Variants in AFAP1L2 observed in about 807,000 individuals in gnomAD.
AFAP1L2 encodes actin filament-associated protein 1-like 2.
A neutral mutation model predicts 99.3 loss-of-function variants in AFAP1L2; 46 were observed. The observed-to-expected ratio is 0.46, with a 90% CI of 0.37 to 0.59. AFAP1L2 has a LOEUF of 0.59. AFAP1L2 is among the 20% of genes least tolerant of loss of function. The probability of loss-of-function intolerance (pLI) is 0.00; values close to 1 mark genes in which losing one functional copy is unlikely to be tolerated. For missense variants in AFAP1L2, 959 were observed against 1,034.9 expected, an observed-to-expected ratio of 0.93 and a Z score of 1.01; for synonymous variants, 397 against 419.1, an observed-to-expected ratio of 0.95 and a Z score of 0.64.
intron 1 of AFAP1L2, among the ~76,000 whole-genome samples, chr10:114,384,119 T>C (rs1048738312): frequency 3.3e-5 from 5 of 152,040 alleles, no homozygotes; most frequent in Admixed American, 2.6e-4. Context: ...CTGCAGAGGG[T>C]TTTACATATA....
At chr10:114,327,291 A>T (rs1476444195) in intron 4 of AFAP1L2, among the ~76,000 whole-genome samples, 1 of 149,352 alleles carries the variant, frequency 6.7e-6, no homozygotes, top group Non-Finnish European at 1.5e-5. Context: ...CAGCCTCCCG[A>T]GTAGCTGCGT....
At chr10:114,363,094 G>A (rs1250087671) in intron 1 of AFAP1L2, 5 of 985,250 alleles carry the variant, frequency 5.1e-6, no homozygotes, top group African/African-American at 1.7e-5. Flanking sequence ...AGTGGGATCC[G>A]AGCCTCTCAG....
chr10:114,334,121 A>T (rs1456893880), intron 2 of AFAP1L2, among the ~76,000 whole-genome samples: 1 of 152,200 alleles, frequency 6.6e-6, no homozygotes, highest in Non-Finnish European at 1.5e-5. Flanking sequence ...ATAAGAACTG[A>T]GGAACCACCA....
At chr10:114,289,365 C>T in the AFAP1L2 span, 147 of 1,614,094 alleles carry the variant, frequency 9.1e-5, no homozygotes, top group Non-Finnish European at 2.5e-5. Context: ...TGGTCGTGGG[C>T]GTGGGGCCTG....
intron 4 of AFAP1L2, among the ~76,000 whole-genome samples, chr10:114,324,190 A>G (rs145362701): frequency 1.8e-4 from 27 of 152,354 alleles, no homozygotes; most frequent in Non-Finnish European, 2.8e-4. Context: ...TTGCATTACT[A>G]TTATGACAGA....
rs145718295 is a variant in AFAP1L2 at position 114,297,219 on chromosome 10, C to G, written c.2307+1G>C. 1.9e-6 allele frequency: 3 copies of G among 1,571,010 alleles called. No individual in the cohort carries two copies. Among genetic ancestry groups the G allele is most frequent in the East Asian group, 2.4e-5 (1 of 41,768 alleles). On this transcript the variant is annotated splice_donor_variant, in intron 17 of 18. Coordinates refer to ENST00000304129, the MANE Select transcript of AFAP1L2 (RefSeq NM_001001936.3). LOFTEE classifies it high-confidence loss of function. The stretch of plus-strand genomic sequence containing the variant: ...CCAGAGGCCGCAGTTCCAGCACTCA[C>G]GCGGGGGCTCACATTCTCCAGGTGG...
At chr10:114,323,080 G>C (rs2045631537) in intron 5 of AFAP1L2, 91 bp downstream of exon 5, 1 of 1,167,396 alleles carries the variant, frequency 8.6e-7, no homozygotes, top group Non-Finnish European at 1.2e-6. Flanking sequence ...AGCCCAGGAT[G>C]AGTGTATCTG....
chr10:114,397,818 G>A (rs1024813004), intron 1 of AFAP1L2, among the ~76,000 whole-genome samples: 1 of 152,086 alleles, frequency 6.6e-6, no homozygotes. Flanking sequence ...CAGTGTGCTG[G>A]GGCTGAGCTT....
chr10:114,381,793 A>T (rs1202467584), intron 1 of AFAP1L2, among the ~76,000 whole-genome samples: 1 of 152,118 alleles, frequency 6.6e-6, no homozygotes, highest in African/African-American at 2.4e-5. Flanking sequence ...TCTCCTTCAC[A>T]CATAAAAAGC....
chr10:114,297,802 G>A (rs1054326038), intron 16 of AFAP1L2, among the ~76,000 whole-genome samples: 2 of 152,186 alleles, frequency 1.3e-5, no homozygotes, highest in African/African-American at 4.8e-5. Context: ...CAATCCTCTG[G>A]CTTCCCTACG....
Position 114,323,274 on chromosome 10 carries a change from C to T in AFAP1L2, c.316-13G>A, listed in dbSNP as rs773802602. ...TCCGTTCTGGAATCTGTGGTATGAA[C>T]AAATAAGACAAACGTTTGCAGATAT... is the stretch of plus-strand genomic sequence containing the variant. On this transcript the variant is annotated splice_polypyrimidine_tract_variant and intron_variant, in intron 4 of 18. Coordinates refer to ENST00000304129, the MANE Select transcript of AFAP1L2 (RefSeq NM_001001936.3). 3.2e-6 allele frequency: 5 copies of T among 1,577,336 alleles called. No homozygotes were observed. The South Asian group carries it at 5.8e-5, about 18-fold the overall frequency.
intron 1 of AFAP1L2, among the ~76,000 whole-genome samples, chr10:114,400,794 C>T (rs1338687661): frequency 6.6e-6 from 1 of 152,180 alleles, no homozygotes; most frequent in Non-Finnish European, 1.5e-5. Context: ...GTACCCTAGA[C>T]CAATTAAATC....
chr10:114,295,975 C>T lies in AFAP1L2; in HGVS notation c.*67G>A. ...GACTCACCCTTTCGCATAGTTTTTG[C>T]TTTAACAAAGCAGGATTGTCACCAA... On this transcript the variant is annotated 3_prime_UTR_variant, in exon 19 of 19. Transcript: ENST00000304129. 2.5e-6 allele frequency: 4 copies of T among 1,612,962 alleles called. No individual in the cohort carries two copies. In the Middle Eastern group the frequency reaches 5.0e-4, roughly 200 times the overall value.
Position 114,308,433 on chromosome 10 carries a change from C to T in AFAP1L2, c.967G>A (p.Val323Ile), listed in dbSNP as rs2042744341. 1 of 1,613,536 alleles carries T rather than the reference C, an allele frequency of 6.2e-7. No individual in the cohort carries two copies. The highest frequency in any genetic ancestry group is 2.2e-5 in the East Asian group (1 of 44,876). The change falls in exon 9 of 19, where the codon GTC becomes ATC. Residue 323 changes from valine to isoleucine, a missense_variant and splice_region_variant. Physicochemically the swap from Val to Ile is conservative, Grantham distance 29. Coordinates refer to ENST00000304129, the MANE Select transcript of AFAP1L2 (RefSeq NM_001001936.3). ...TCCCCTCCCAACCACATGATGTTAC[C>T]GTCTTTGGTTTCTGGGACCTCAGGG... ...GHPEVPETKD[V>I]KKKCSAGLKL... is the part of the protein sequence containing the mutation.
At chr10:114,307,976 A>C in intron 9 of AFAP1L2, 67 bp from the exon 10 acceptor site, 1 of 1,395,518 alleles carries the variant, frequency 7.2e-7, no homozygotes, top group Non-Finnish European at 1.0e-6. Flanking sequence ...TGAGAGATGG[A>C]AAAAATAGCA....
chr10:114,396,242 G>A (rs530759159), intron 1 of AFAP1L2, among the ~76,000 whole-genome samples: 53 of 152,270 alleles, frequency 3.5e-4, no homozygotes, highest in African/African-American at 1.3e-3. Context: ...CAGCTTCCCA[G>A]GGTACAGAGC....
At chr10:114,385,943 C>G (rs1051604069) in intron 1 of AFAP1L2, among the ~76,000 whole-genome samples, 1 of 152,124 alleles carries the variant, frequency 6.6e-6, no homozygotes, top group Admixed American at 6.5e-5. Context: ...CCCGCCCCCC[C>G]TCAGGAGTCC....
At chr10:114,395,393 T>A (rs112320631) in intron 1 of AFAP1L2, among the ~76,000 whole-genome samples, 2,543 of 152,298 alleles carry the variant, frequency 0.017, 61 homozygotes, top group East Asian at 0.05. Context: ...GTCCCAGCTC[T>A]GATACCGGGG....
intron 3 of AFAP1L2, among the ~76,000 whole-genome samples, chr10:114,332,660 C>T (rs1324917174): frequency 6.6e-6 from 1 of 152,206 alleles, no homozygotes; most frequent in Non-Finnish European, 1.5e-5. Flanking sequence ...TGGGCCTCCC[C>T]GGGGTCTTGC....
Sources: gnomAD v4.1 joint callset for allele counts (sites outside exome capture counted in the v4.1 genomes callset) on GRCh38, gnomAD v4.1.1 for gene constraint, MANE v1.5 for transcripts, NCBI Gene and HGNC (gene_info 2026-07-23, HGNC 2026-07-21) for gene names.